The following PON2 variants were observed in gnomAD, a reference collection of about 807,000 sequenced individuals.
PON2 encodes the protein paraoxonase 2.
PON2 carries 27 observed loss-of-function variants against 36.6 expected under a neutral mutation model. That is an observed-to-expected ratio of 0.74 (90% confidence interval 0.54 to 1.02). The LOEUF (loss-of-function observed/expected upper bound fraction) is 1.02, where lower values mean the gene tolerates loss of function less well. PON2 is among the 50% of genes least tolerant of loss of function. The pLI is 0.00. For missense variants in PON2, 363 were observed against 421.1 expected, an observed-to-expected ratio of 0.86 and a Z score of 1.21; for synonymous variants, 149 against 156.3, an observed-to-expected ratio of 0.95 and a Z score of 0.35.
At chr7:95,415,223 G>C (rs1204915880) in intron 3 of PON2, 1 of 152,170 alleles carries the variant, frequency 6.6e-6, no homozygotes, top group Non-Finnish European at 1.5e-5. Flanking sequence ...TCCTATGTCT[G>C]CCCAAGCCAG....
At chr7:95,428,995 G>A (rs1205121543) in intron 1 of PON2, among the ~76,000 whole-genome samples, 1 of 151,848 alleles carries the variant, frequency 6.6e-6, no homozygotes, top group Non-Finnish European at 1.5e-5. Context: ...AAATAGTAGA[G>A]CTATGAATGA....
At chr7:95,411,873 T>C (rs1232645627) in intron 4 of PON2, 94 bp from the exon 5 acceptor site, 2 of 1,350,238 alleles carry the variant, frequency 1.5e-6, no homozygotes, top group African/African-American at 1.4e-5. Flanking sequence ...CAAGGAAAGG[T>C]TGAATGTATA....
intron 1 of PON2, among the ~76,000 whole-genome samples, chr7:95,432,132 G>A (rs1369304517): frequency 6.6e-6 from 1 of 152,196 alleles, no homozygotes; most frequent in Non-Finnish European, 1.5e-5. Context: ...AAAGTAGGCC[G>A]AGGGTGGTGG....
Position 95,434,897 on chromosome 7 carries a change from C to G in PON2, c.55G>C (p.Glu19Gln). 6.5e-7 allele frequency: 1 copy of G among 1,540,060 alleles called. No individual in the cohort carries two copies. The highest frequency in any genetic ancestry group is 1.2e-5 in the South Asian group (1 of 83,330). The part of the protein sequence containing the change: ...LLGIALALLG[E>Q]RLLALRNRLK... ...ACCTACCTGAGTGCCAGAAGCCTCT[C>G]GCCCAGGAGCGCCAGCGCGATCCCC... The change falls in exon 1 of 9, where the codon GAG becomes CAG. Residue 19 changes from glutamate to glutamine, a missense_variant. Physicochemically the swap from Glu to Gln is conservative, Grantham distance 29 (BLOSUM62 2). Transcript: ENST00000222572.
At chr7:95,420,948 G>A (rs1300334638) in intron 2 of PON2, among the ~76,000 whole-genome samples, 2 of 151,684 alleles carry the variant, frequency 1.3e-5, no homozygotes, top group Non-Finnish European at 2.9e-5. Flanking sequence ...TTCGACAAAC[G>A]TTCATATGGT....
Position 95,435,021 on chromosome 7 carries a change from G to A in PON2, c.-70C>T. 7.0e-7 allele frequency: 1 copy of A among 1,428,642 alleles called. No homozygotes were observed. 88.5% of individuals were successfully genotyped at this position (1,428,642 alleles called of 1,614,324 possible). A position where few individuals can be genotyped will look rare whatever the true frequency, so the allele number is the denominator to read the frequency against. On this transcript the variant is annotated 5_prime_UTR_variant, in exon 1 of 9. Transcript: ENST00000222572. ...GCTCCGTGGGCGGTGCCATCTTCCC[G>A]GCTCGATGGTGCCGGCCGCGCTCCG...
intron 1 of PON2, 81 bp downstream of exon 1, chr7:95,434,797 C>A: frequency 2.7e-6 from 4 of 1,468,954 alleles, no homozygotes; most frequent in South Asian, 1.2e-5. Flanking sequence ...AATCCCTCCC[C>A]CAGCCTGCGC....
chr7:95,411,862 G>T, intron 4 of PON2, 83 bp from the exon 5 acceptor site: 1 of 1,432,534 alleles, frequency 7.0e-7, no homozygotes. Flanking sequence ...AATACCACAG[G>T]CAAGGAAAGG....
At chr7:95,429,636 G>A (rs181196967) in intron 1 of PON2, among the ~76,000 whole-genome samples, 171 of 152,242 alleles carry the variant, frequency 1.1e-3, no homozygotes, top group African/African-American at 4.0e-3. Flanking sequence ...ACCATGCTAC[G>A]GTGCCAATAT....
chr7:95,430,047 C>T (rs1413702209), intron 1 of PON2, among the ~76,000 whole-genome samples: 1 of 152,068 alleles, frequency 6.6e-6, no homozygotes, highest in African/African-American at 2.4e-5. Flanking sequence ...AACTAGTTAA[C>T]CTCTCTAACC....
At chr7:95,423,703 T>C (rs1386305272) in intron 2 of PON2, among the ~76,000 whole-genome samples, 1 of 152,140 alleles carries the variant, frequency 6.6e-6, no homozygotes, top group Non-Finnish European at 1.5e-5. Context: ...TATTGTGAAG[T>C]GCCGGTACAT....
intron 1 of PON2, among the ~76,000 whole-genome samples, chr7:95,429,879 A>G (rs937293911): frequency 6.6e-6 from 1 of 152,172 alleles, no homozygotes; most frequent in Non-Finnish European, 1.5e-5. Flanking sequence ...TAGGCCTGTA[A>G]ACCTAGGGAA....
chr7:95,434,711 TG>T lies in PON2; in HGVS notation c.74+166del, dbSNP rs17876050. Among the ~76,000 whole-genome samples the T allele has an allele frequency of 2.9e-3, 448 of 152,192 alleles. 2 individuals are homozygous for T. Among genetic ancestry groups the T allele is most frequent in the African/African-American group, 9.5e-3 (393 of 41,530 alleles). ...CACTAGAAGCGGAGAGTCGGGGTGA[TG>T]GGGGTTCAACTAGCTGGGGGAGGGA... On this transcript the variant is annotated intron_variant, in intron 1 of 8. Transcript: ENST00000222572.
At position 95,416,277 on chromosome 7, in the gene PON2, C is replaced by G. The variant is rs1409368118; in HGVS notation, c.166G>C (p.Asp56His). 6.2e-7 allele frequency: 1 copy of G among 1,613,656 alleles called. No homozygotes were observed. Among genetic ancestry groups the G allele is most frequent in the East Asian group, 2.2e-5 (1 of 44,846 alleles). The change falls in exon 3 of 9, where the codon GAC (aspartate) becomes CAC (histidine). Residue 56 changes from aspartate (D) to histidine (H), a missense_variant. Asp to His is a moderately conservative substitution (Grantham distance 81, BLOSUM62 -1). Coordinates refer to ENST00000222572, the MANE Select transcript of PON2 (RefSeq NM_000305.3). ...KGIEAGSEDI[D>H]ILPNGLAFFS... The stretch of plus-strand genomic sequence containing the variant: ...AAAGCCAGACCATTGGGAAGTATGT[C>G]AATATCTTCAGAGCCAGCTTCTGTA...
At chr7:95,412,572 G>A in intron 3 of PON2, 95 bp from the exon 4 acceptor site, 1 of 1,330,036 alleles carries the variant, frequency 7.5e-7, no homozygotes, top group South Asian at 1.2e-5. Context: ...AGAGATTGTG[G>A]TTAAAGTAGT....
At chr7:95,412,190 T>A in intron 4 of PON2, 122 bp downstream of exon 4, 1 of 1,319,644 alleles carries the variant, frequency 7.6e-7, no homozygotes, top group Non-Finnish European at 1.1e-6. Flanking sequence ...TAATGAAGAA[T>A]ACAGAAATCA....
intron 6 of PON2, among the ~76,000 whole-genome samples, chr7:95,408,323 C>G (rs1809760172): frequency 6.6e-6 from 1 of 152,146 alleles, no homozygotes; most frequent in South Asian, 2.1e-4. Context: ...GTCTCATATG[C>G]TAGTCAGAGA....
In PON2 at chr7:95,406,101, A is replaced by G; in HGVS notation, c.906+18T>C. ...AGGACTTGAATAATTAAGTTTAAAA[A>G]ACTGAAAATATAAAAACCTCTGACG... On this transcript the variant is annotated intron_variant, in intron 8 of 8. Coordinates refer to ENST00000222572, the MANE Select transcript of PON2 (RefSeq NM_000305.3). 6.2e-7 allele frequency: 1 copy of G among 1,611,418 alleles called. No homozygotes were observed. Among genetic ancestry groups the G allele is most frequent in the Non-Finnish European group, 8.5e-7 (1 of 1,177,884 alleles).
chr7:95,423,451 C>G (rs1789242336), intron 2 of PON2, among the ~76,000 whole-genome samples: 1 of 151,676 alleles, frequency 6.6e-6, no homozygotes, highest in South Asian at 2.1e-4. Context: ...GGGTAAAAGA[C>G]AGCAAGACAC....
Sources: gnomAD v4.1 joint callset for allele counts (sites outside exome capture counted in the v4.1 genomes callset) on GRCh38, gnomAD v4.1.1 for gene constraint, MANE v1.5 for transcripts, NCBI Gene and HGNC (gene_info 2026-07-23, HGNC 2026-07-21) for gene names.